The following SEC14L3 variants were observed in gnomAD, a reference collection of about 807,000 sequenced individuals.
The protein encoded by SEC14L3 is SEC14-like protein 3.
Under a neutral mutation model 57.4 loss-of-function variants are expected in SEC14L3, and 56 were observed. The observed-to-expected ratio is 0.97, with a 90% CI of 0.79 to 1.22. The LOEUF is 1.22. SEC14L3 is among the 50% of genes most tolerant of loss of function. The pLI, the probability that SEC14L3 is intolerant of heterozygous loss-of-function variation, is 0.00. For synonymous variants in SEC14L3, 173 were observed against 194.4 expected, an observed-to-expected ratio of 0.89 and a Z score of 0.92; for missense variants, 485 against 511.7, an observed-to-expected ratio of 0.95 and a Z score of 0.50.
At chr22:30,452,996 G>A (rs1264748268) in intron 12 of SEC14L3, among the ~76,000 whole-genome samples, 1 of 152,092 alleles carries the variant, frequency 6.6e-6, no homozygotes, top group East Asian at 1.9e-4. Context: ...GGGATTACAA[G>A]TGTGAGCCAC....
chr22:30,469,057 C>T, intron 4 of SEC14L3: 1 of 1,028,620 alleles, frequency 9.7e-7, no homozygotes, highest in Non-Finnish European at 1.3e-6. Context: ...GAGGCTCATG[C>T]CTGTAATCCC....
downstream of SEC14L3, among the ~76,000 whole-genome samples, chr22:30,454,822 TAATATAATATATA>T (rs1935066534): frequency 8.3e-5 from 3 of 36,226 alleles, 1 homozygote; most frequent in African/African-American, 6.9e-4. Flanking sequence ...TTATATATTA[TAATATAATATATA>T]ATAATATATA....
chr22:30,461,559 G>A lies in SEC14L3; in HGVS notation c.907C>T (p.Leu303Phe), dbSNP rs752174541. 28 of 1,614,132 alleles carry A rather than the reference G, an allele frequency of 1.7e-5. No individual in the cohort carries two copies. In the South Asian group the frequency reaches 2.7e-4, roughly 16 times the overall value. The change falls in exon 10 of 12, where the codon CTC becomes TTC. Residue 303 changes from leucine to phenylalanine, a missense_variant. Leu to Phe is a conservative substitution (Grantham distance 22). Transcript: ENST00000215812. ...EYEILFPGCV[L>F]RWQFSSDGAD... ...GGGGTTAGGGCCTGCCCCTACCTGA[G>A]AACGCAGCCTGGAAATAGGATCTCG...
chr22:30,467,952 A>G (rs1337770436), intron 5 of SEC14L3, among the ~76,000 whole-genome samples: 1 of 152,210 alleles, frequency 6.6e-6, no homozygotes, highest in Non-Finnish European at 1.5e-5. Flanking sequence ...ACACTGAAGC[A>G]AAACAAAACA....
At chr22:30,454,605 AATATTATTAGATATAATCT>A (rs1446285203), downstream of SEC14L3, among the ~76,000 whole-genome samples, 5 of 120,432 alleles carry the variant, frequency 4.2e-5, no homozygotes, top group East Asian at 2.3e-4. Context: ...TATAATCTAT[AATATTATTAGATATAATCT>A]ATAATATTAT....
chr22:30,459,440 C>T lies in SEC14L3; in HGVS notation c.*581G>A. On this transcript the variant is annotated 3_prime_UTR_variant, in exon 12 of 12. Coordinates refer to ENST00000215812, the MANE Select transcript of SEC14L3 (RefSeq NM_174975.5). ...TCAAAAGACAGCCACTGCCAGAAATCTGGAGACTGAATTGTCTGGGTCTCC... is the reference window on the plus strand; with the variant it reads ...TCAAAAGACAGCCACTGCCAGAAATTTGGAGACTGAATTGTCTGGGTCTCC... The T allele has an allele frequency of 2.0e-6, 2 of 985,444 alleles. No homozygotes were observed. Among genetic ancestry groups the T allele is most frequent in the Non-Finnish European group, 2.4e-6 (2 of 829,970 alleles). The allele number at this position is 985,444 out of a possible 1,614,324, so 61.0% of individuals were successfully genotyped here.
chr22:30,457,065 ACT>A (rs1935131032), downstream of SEC14L3, among the ~76,000 whole-genome samples: 1 of 152,036 alleles, frequency 6.6e-6, no homozygotes, highest in African/African-American at 2.4e-5. Flanking sequence ...AAGGGTCCAC[ACT>A]CTCTACCTCA....
chr22:30,470,145 G>T, intron 3 of SEC14L3, 67 bp from the exon 4 acceptor site: 1 of 1,612,770 alleles, frequency 6.2e-7, no homozygotes, highest in Non-Finnish European at 8.5e-7. Flanking sequence ...GATGGAAGGA[G>T]GGGCTTGAGG....
At chr22:30,457,377 C>CTTTTTT (rs60894978), downstream of SEC14L3, among the ~76,000 whole-genome samples, 1 of 136,658 alleles carries the variant, frequency 7.3e-6, no homozygotes, top group Admixed American at 7.5e-5. Flanking sequence ...TTAAGTATGT[C>CTTTTTT]TTTTTTTTTT....
At chr22:30,468,985 T>C in intron 4 of SEC14L3, 1 of 1,413,126 alleles carries the variant, frequency 7.1e-7, no homozygotes, top group Non-Finnish European at 9.2e-7. Flanking sequence ...GGTTTAGTGA[T>C]GGAGAACACA....
downstream of SEC14L3, among the ~76,000 whole-genome samples, chr22:30,454,885 A>AT (rs1569225369): frequency 3.3e-3 from 68 of 20,622 alleles, 1 homozygote; most frequent in Non-Finnish European, 4.4e-3. Context: ...ATATTATTAT[A>AT]TATTATATAA....
Position 30,459,472 on chromosome 22 carries a change from G to C in SEC14L3, c.*549C>G. The C allele has an allele frequency of 1.0e-6, 1 of 985,520 alleles. No homozygotes were observed. The highest frequency in any genetic ancestry group is 4.7e-5 in the South Asian group (1 of 21,292). The allele number at this position is 985,520 out of a possible 1,614,324, so 61.0% of individuals were successfully genotyped here. On this transcript the variant is annotated 3_prime_UTR_variant, in exon 12 of 12. Coordinates refer to ENST00000215812, the MANE Select transcript of SEC14L3 (RefSeq NM_174975.5). The stretch of plus-strand genomic sequence containing the variant: ...CTGAATTGTCTGGGTCTCCAGAAGA[G>C]AGTCCAACCCCACCACACATCTGCT...
chr22:30,454,537 ATAATAT>A (rs1222276082), downstream of SEC14L3, among the ~76,000 whole-genome samples: 1 of 18,590 alleles, frequency 5.4e-5, no homozygotes, highest in African/African-American at 6.4e-4. Context: ...ATAATCTATA[ATAATAT>A]TATATATAAT....
rs1048403349 is a variant in SEC14L3 at position 30,459,580 on chromosome 22, G to A, written c.*441C>T. The stretch of plus-strand genomic sequence containing the variant: ...TTGAGTCACCTGCACCCTACCTTCT[G>A]GTCCTCCATTCAATGCCACAAATAT... On this transcript the variant is annotated 3_prime_UTR_variant, in exon 12 of 12. Coordinates refer to ENST00000215812, the MANE Select transcript of SEC14L3 (RefSeq NM_174975.5). 22 of 988,584 alleles carry A rather than the reference G, an allele frequency of 2.2e-5. No individual in the cohort carries two copies. In the African/African-American group the frequency reaches 3.7e-4, roughly 16 times the overall value. 61.2% of individuals were successfully genotyped at this position (988,584 alleles called of 1,614,324 possible).
chr22:30,461,492 G>C lies in SEC14L3; in HGVS notation c.912-13C>G, dbSNP rs781573559. ...TGAGAACTGCCACCTGTCAGGGGGA[G>C]GGGGAGGAGACAGGTTGCTGCTCAG... On this transcript the variant is annotated splice_polypyrimidine_tract_variant and intron_variant, in intron 10 of 11. Coordinates refer to ENST00000215812, the MANE Select transcript of SEC14L3 (RefSeq NM_174975.5). 1.9e-6 allele frequency: 3 copies of C among 1,612,878 alleles called. No individual in the cohort carries two copies. The highest frequency in any genetic ancestry group is 1.7e-4 in the Middle Eastern group (1 of 6,056).
chr22:30,470,026 G>A lies in SEC14L3; in HGVS notation c.227C>T (p.Pro76Leu), dbSNP rs1400717642. Residue 76 changes from proline (P) to leucine (L), a missense_variant, in exon 4 of 12, where the codon CCC becomes CTC. Pro to Leu is a moderately conservative substitution (Grantham distance 98). Transcript: ENST00000215812. ...MDIDHILDWQ[P>L]PEVIQKYMPG... ...TTGGCGGTGTTGGCTCACCTCTGGG[G>A]GCTGCCAATCAAGGATATGGTCAAT... 3 of 1,569,974 alleles carry A rather than the reference G, an allele frequency of 1.9e-6. No homozygotes were observed. Among genetic ancestry groups the A allele is most frequent in the Admixed American group, 3.6e-5 (2 of 55,160 alleles).
chr22:30,461,868 G>A (rs1601817990), intron 9 of SEC14L3, 174 bp from the exon 10 acceptor site: 3 of 527,986 alleles, frequency 5.7e-6, no homozygotes, highest in South Asian at 8.2e-5. Context: ...TCTGCTGGGA[G>A]CTTCCCCTCC....
In SEC14L3 at chr22:30,463,148, TGTAA is replaced by T. The variant is rs544565106; in HGVS notation, c.665-960_665-957del. Among the ~76,000 whole-genome samples the T allele has an allele frequency of 4.2e-4, 64 of 152,376 alleles. No homozygotes were observed. The East Asian group carries it at 0.01, about 24-fold the overall frequency. On this transcript the variant is annotated intron_variant, in intron 8 of 11. Transcript: ENST00000215812. ...GTCAACGGCCTTGTTGGGATCACTC[TGTAA>T]GTAAGTGGCATGCCCAAGTCAGACC...
At chr22:30,455,096 TAA>T (rs1569225606), downstream of SEC14L3, among the ~76,000 whole-genome samples, 173 of 41,270 alleles carry the variant, frequency 4.2e-3, 1 homozygote, top group Non-Finnish European at 5.0e-3. Flanking sequence ...ATTTAATATA[TAA>T]TATATTTAAT....
Sources: gnomAD v4.1 joint callset for allele counts (sites outside exome capture counted in the v4.1 genomes callset) on GRCh38, gnomAD v4.1.1 for gene constraint, MANE v1.5 for transcripts, NCBI Gene and HGNC (gene_info 2026-07-23, HGNC 2026-07-21) for gene names.